FYN: variants seen among roughly 807,000 people sequenced by gnomAD.
FYN encodes the protein FYN proto-oncogene, Src family tyrosine kinase, also known as tyrosine-protein kinase Fyn.
A neutral mutation model predicts 70.2 loss-of-function variants in FYN; 10 were observed. That is an observed-to-expected ratio of 0.14 (90% CI 0.09 to 0.24). FYN has a LOEUF of 0.24. Among genes scored for constraint, FYN ranks in the 10% least tolerant of loss-of-function variants. The pLI, the probability that FYN is intolerant of heterozygous loss-of-function variation, is 1.00. For missense variants in FYN, 319 were observed against 673.1 expected (o/e 0.47, Z 5.82); for synonymous variants, 236 against 248.6 (o/e 0.95, Z 0.48).
rs1178636677 is a variant in FYN, at chr6:111,661,716, GCC to G, written c.*21_*22del. 1.2e-6 allele frequency: 2 copies of G among 1,602,926 alleles called. No individual in the cohort carries two copies. The highest frequency in any genetic ancestry group is 3.4e-5 in the Admixed American group (2 of 59,356). On this transcript the variant is annotated 3_prime_UTR_variant, in exon 14 of 14. Transcript: ENST00000354650. This position sits in a 1 kb window ranked among gnomAD's most constrained non-coding sequence, Gnocchi z 4.0. ...GGGGTGGGGCAGCCTCTGGGACAAG[GCC>G]TCTCTCCGCAGACCCGGGCCTTACA...
chr6:111,704,636 C>T (rs938752734), intron 6 of FYN, among the ~76,000 whole-genome samples: 6 of 152,086 alleles, frequency 3.9e-5, no homozygotes, highest in African/African-American at 1.4e-4. Flanking sequence ...CACCTGTAAT[C>T]CCAGGTACTC....
At chr6:111,686,647 GTTT>G (rs968293181) in intron 12 of FYN, among the ~76,000 whole-genome samples, 1 of 150,300 alleles carries the variant, frequency 6.7e-6, no homozygotes, top group African/African-American at 2.4e-5. Context: ...AATTAAAAAG[GTTT>G]TTTTTTTCTT....
intron 3 of FYN, among the ~76,000 whole-genome samples, chr6:111,764,902 C>A (rs777655757): frequency 6.6e-6 from 1 of 152,090 alleles, no homozygotes; most frequent in Admixed American, 6.5e-5. Context: ...CTCTCTTGTT[C>A]CCCTTTGCTG....
intron 2 of FYN, among the ~76,000 whole-genome samples, chr6:111,830,428 T>TGA (rs1772979769): frequency 6.6e-6 from 1 of 151,584 alleles, no homozygotes; most frequent in Admixed American, 6.6e-5. Flanking sequence ...GCCAAGGAGG[T>TGA]GAGAGCAAGG....
intron 3 of FYN, among the ~76,000 whole-genome samples, chr6:111,755,126 G>C (rs1427480875): frequency 6.6e-6 from 1 of 151,606 alleles, no homozygotes; most frequent in African/African-American, 2.4e-5. Context: ...GGCTGGACTA[G>C]ATGAGCTTTA....
At chr6:111,868,432 T>G (rs1179107135) in intron 1 of FYN, among the ~76,000 whole-genome samples, 1 of 152,176 alleles carries the variant, frequency 6.6e-6, no homozygotes, top group African/African-American at 2.4e-5. Context: ...CAGAGTAAAA[T>G]TATTTCCAGT....
chr6:111,701,497 T>C (rs1389202218), intron 8 of FYN, among the ~76,000 whole-genome samples: 2 of 152,166 alleles, frequency 1.3e-5, no homozygotes, highest in African/African-American at 2.4e-5. Flanking sequence ...CATTTTATTG[T>C]GTGAGAGAGA....
chr6:111,843,883 G>C (rs1392127378), intron 2 of FYN, among the ~76,000 whole-genome samples: 1 of 152,110 alleles, frequency 6.6e-6, no homozygotes, highest in East Asian at 1.9e-4. Flanking sequence ...CATCCAGCCT[G>C]GGCCTTTAGG....
At chr6:111,781,697 C>T (rs982737028) in intron 2 of FYN, among the ~76,000 whole-genome samples, 10 of 152,186 alleles carry the variant, frequency 6.6e-5, no homozygotes, top group African/African-American at 2.4e-4. Context: ...GGCTCTTTAC[C>T]TTTTGTGCTA....
chr6:111,789,338 G>A (rs1254241227), intron 2 of FYN, among the ~76,000 whole-genome samples: 1 of 152,186 alleles, frequency 6.6e-6, no homozygotes, highest in Non-Finnish European at 1.5e-5. Context: ...GCACACATGG[G>A]TGGGCAGAGT....
rs371869411 is a variant in FYN at position 111,700,280 on chromosome 6, G to C, written c.698-12C>G. ...ACCTGCAGCTCTCTCTGATGGAGCA[G>C]GGCAGGGGCAGGAGAGGGAGAGAAG... On this transcript the variant is annotated splice_polypyrimidine_tract_variant and intron_variant, in intron 8 of 13. Coordinates refer to ENST00000354650, the MANE Select transcript of FYN (RefSeq NM_002037.5). 5.0e-6 allele frequency: 8 copies of C among 1,613,636 alleles called. No homozygotes were observed. The highest frequency in any genetic ancestry group is 5.9e-6 in the Non-Finnish European group (7 of 1,179,790).
At chr6:111,777,479 T>C (rs760021668) in intron 3 of FYN, among the ~76,000 whole-genome samples, 4 of 152,190 alleles carry the variant, frequency 2.6e-5, no homozygotes, top group Non-Finnish European at 4.4e-5. Flanking sequence ...TCTGCATGTG[T>C]GCACGAGTGT....
At chr6:111,819,823 CA>C (rs1237208846) in intron 2 of FYN, 1 of 152,068 alleles carries the variant, frequency 6.6e-6, no homozygotes, top group Non-Finnish European at 1.5e-5. Flanking sequence ...AAAAAATACC[CA>C]AATAAATTTA....
Position 111,763,917 on chromosome 6 carries a change from G to A in FYN, c.-12+16649C>T, listed in dbSNP as rs148300907. Among the ~76,000 whole-genome samples, 5 of 152,242 alleles carry A rather than the reference G, an allele frequency of 3.3e-5. No homozygotes were observed. In the East Asian group the frequency reaches 9.6e-4, roughly 29 times the overall value. On this transcript the variant is annotated intron_variant, in intron 3 of 13. Coordinates refer to ENST00000354650, the MANE Select transcript of FYN (RefSeq NM_002037.5). ...TGCTGTGCAGATTAAATGCAATAAG[G>A]TGTGGGAAGTGCCTTGCACACAGTC...
chr6:111,848,022 G>A (rs1773581494), intron 1 of FYN, among the ~76,000 whole-genome samples: 1 of 152,176 alleles, frequency 6.6e-6, no homozygotes, highest in Non-Finnish European at 1.5e-5. Context: ...TAACCCACTA[G>A]GGATCTAGAC....
At chr6:111,698,874 G>A (rs191465873) in intron 9 of FYN, among the ~76,000 whole-genome samples, 6 of 152,260 alleles carry the variant, frequency 3.9e-5, no homozygotes, top group Admixed American at 3.9e-4. Context: ...CACCAGGTCA[G>A]GAGATCGAGA....
intron 12 of FYN, among the ~76,000 whole-genome samples, chr6:111,691,382 CTG>C (rs1262088713): frequency 1.4e-4 from 21 of 152,230 alleles, no homozygotes; most frequent in Admixed American, 1.3e-3. Context: ...CCTAAAATAT[CTG>C]TGTTTGGTGC....
chr6:111,798,029 C>T (rs1210862833), intron 2 of FYN, among the ~76,000 whole-genome samples: 4 of 152,130 alleles, frequency 2.6e-5, no homozygotes, highest in Non-Finnish European at 5.9e-5. Context: ...TCCCAAAGTG[C>T]TGGGATTACA....
intron 1 of FYN, among the ~76,000 whole-genome samples, chr6:111,863,643 A>T (rs1774026143): frequency 6.6e-6 from 1 of 152,220 alleles, no homozygotes; most frequent in South Asian, 2.1e-4. Flanking sequence ...GAATCCTTAT[A>T]CAACTCCATG....
Sources: allele counts gnomAD v4.1 joint callset (sites outside exome capture counted in the v4.1 genomes callset), GRCh38; gene constraint gnomAD v4.1.1; non-coding constraint Gnocchi (gnomAD v3.1); transcripts MANE v1.5; gene names NCBI Gene and HGNC (gene_info 2026-07-23, HGNC 2026-07-21).